Variants in ARHGAP25 observed in about 807,000 individuals in gnomAD.
The protein encoded by ARHGAP25 is Rho GTPase activating protein 25, also known as rho GTPase-activating protein 25.
A neutral mutation model predicts 71.0 loss-of-function variants in ARHGAP25; 34 were observed. The observed-to-expected ratio is 0.48, with a 90% CI of 0.36 to 0.64. The LOEUF is 0.64. ARHGAP25 is among the 30% of genes least tolerant of loss of function. ARHGAP25 has a pLI of 0.00. For synonymous variants in ARHGAP25, 282 were observed against 296.5 expected, an observed-to-expected ratio of 0.95 and a Z score of 0.50; for missense variants, 706 against 805.1, an observed-to-expected ratio of 0.88 and a Z score of 1.49.
intron 1 of ARHGAP25, among the ~76,000 whole-genome samples, chr2:68,770,118 G>C (rs10173408): frequency 0.3 from 45,519 of 152,008 alleles, 7,112 homozygotes; most frequent in Non-Finnish European, 0.32. Flanking sequence ...ACATCAGAGA[G>C]ACCAGCGGAG....
intron 2 of ARHGAP25, among the ~76,000 whole-genome samples, chr2:68,723,981 C>T: frequency 6.6e-6 from 1 of 152,074 alleles, no homozygotes; most frequent in East Asian, 1.9e-4. Flanking sequence ...TCAAGTGATT[C>T]TCCCACCTCG....
upstream of ARHGAP25, among the ~76,000 whole-genome samples, chr2:68,733,733 G>A (rs1489570890): frequency 3.9e-5 from 6 of 152,354 alleles, no homozygotes; most frequent in South Asian, 6.2e-4. Flanking sequence ...CAGGTCGTCA[G>A]TAAGAGTAAG....
intron 1 of ARHGAP25, among the ~76,000 whole-genome samples, chr2:68,746,660 T>G (rs1675830111): frequency 1.4e-5 from 2 of 147,396 alleles, no homozygotes; most frequent in African/African-American, 2.5e-5. Context: ...GAAATGGAGA[T>G]GGAGGGAGAA....
At chr2:68,771,950 G>C (rs1160127536) in intron 1 of ARHGAP25, among the ~76,000 whole-genome samples, 2 of 152,304 alleles carry the variant, frequency 1.3e-5, no homozygotes, top group East Asian at 3.9e-4. Context: ...GGGCATCAAA[G>C]GTCCCCTTGG....
chr2:68,822,310 A>G (rs1428632461), intron 9 of ARHGAP25, 30 bp from the exon 10 acceptor site: 12 of 1,576,150 alleles, frequency 7.6e-6, no homozygotes, highest in East Asian at 2.3e-5. Context: ...TGAAAACCCC[A>G]TGTGACATCC....
intron 7 of ARHGAP25, chr2:68,817,032 T>C (rs928288410): frequency 6.6e-6 from 1 of 152,252 alleles, no homozygotes; most frequent in Admixed American, 6.5e-5. Context: ...CTCTCTGTGA[T>C]AAATCTTTAC....
chr2:68,822,828 G>A lies in ARHGAP25; in HGVS notation c.1689G>A (p.Lys563=). 6.2e-7 allele frequency: 1 copy of A among 1,613,612 alleles called. No homozygotes were observed. The highest frequency in any genetic ancestry group is 8.5e-7 in the Non-Finnish European group (1 of 1,179,914). ...AGAGGATGGTCCAAGAGCTACGAAAGGAAATAGAAACACAGAAGCAAATGT... is the reference window on the plus strand; with the variant it reads ...AGAGGATGGTCCAAGAGCTACGAAAAGAAATAGAAACACAGAAGCAAATGT... The part of the protein sequence containing the change: ...SLQRMVQELR[K]EIETQKQMYE... The change falls in exon 10 of 11, where the codon AAG becomes AAA. Residue 563 remains lysine (K), a synonymous_variant. Coordinates refer to ENST00000409202, the MANE Select transcript of ARHGAP25 (RefSeq NM_001007231.3).
chr2:68,726,460 TA>T (rs1446686137), intron 2 of ARHGAP25, among the ~76,000 whole-genome samples: 1 of 152,198 alleles, frequency 6.6e-6, no homozygotes, highest in African/African-American at 2.4e-5. Context: ...GAGATTCTTT[TA>T]TAATCCCCTG....
intron 2 of ARHGAP25, among the ~76,000 whole-genome samples, chr2:68,710,953 T>G (rs1245992276): frequency 6.6e-6 from 1 of 152,172 alleles, no homozygotes; most frequent in African/African-American, 2.4e-5. Context: ...TATATGGTTC[T>G]CAGAGTCTTT....
At chr2:68,800,317 G>T (rs538825733) in intron 4 of ARHGAP25, among the ~76,000 whole-genome samples, 2 of 152,240 alleles carry the variant, frequency 1.3e-5, no homozygotes, top group East Asian at 3.9e-4. Flanking sequence ...GGAGGGAGGT[G>T]ACAGTTGCTC....
intron 4 of ARHGAP25, among the ~76,000 whole-genome samples, chr2:68,788,198 G>A (rs965834959): frequency 2.6e-5 from 4 of 152,228 alleles, no homozygotes; most frequent in African/African-American, 9.6e-5. Flanking sequence ...TAACTGGAGG[G>A]AAGGCAAGTC....
At chr2:68,741,826 C>G (rs938959764) in intron 1 of ARHGAP25, among the ~76,000 whole-genome samples, 2 of 152,320 alleles carry the variant, frequency 1.3e-5, no homozygotes, top group South Asian at 4.1e-4. Context: ...AATTCCATGA[C>G]CACTCATATT....
intron 4 of ARHGAP25, among the ~76,000 whole-genome samples, chr2:68,797,089 G>C (rs1679607164): frequency 6.6e-6 from 1 of 152,160 alleles, no homozygotes; most frequent in Admixed American, 6.5e-5. Flanking sequence ...TGGTAGTTGG[G>C]TTGTGGAACA....
chr2:68,742,879 C>G lies in ARHGAP25; in HGVS notation c.61+7619C>G, dbSNP rs536388605. ...TTCTGCTTCTTACTCTTTATGCTTC[C>G]AAATGCCATGTACTCACTTCCTTCT... On this transcript the variant is annotated intron_variant, in intron 1 of 10. Coordinates refer to ENST00000409202, the MANE Select transcript of ARHGAP25 (RefSeq NM_001007231.3). Among the ~76,000 whole-genome samples the G allele has an allele frequency of 2.0e-5, 3 of 152,328 alleles. No individual in the cohort carries two copies. The South Asian group carries it at 6.2e-4, about 32-fold the overall frequency.
At chr2:68,769,666 A>T (rs1295280118) in intron 1 of ARHGAP25, among the ~76,000 whole-genome samples, 2 of 152,192 alleles carry the variant, frequency 1.3e-5, no homozygotes, top group African/African-American at 2.4e-5. Context: ...AGGTGTCTCC[A>T]CTGACAAGGG....
intron 1 of ARHGAP25, among the ~76,000 whole-genome samples, chr2:68,754,060 G>A (rs1676340571): frequency 6.6e-6 from 1 of 151,988 alleles, no homozygotes; most frequent in South Asian, 2.1e-4. Context: ...CCGCCACCAT[G>A]CCCAGCTAAT....
At chr2:68,761,546 A>G (rs1676822762) in intron 1 of ARHGAP25, among the ~76,000 whole-genome samples, 1 of 152,056 alleles carries the variant, frequency 6.6e-6, no homozygotes, top group South Asian at 2.1e-4. Context: ...AAAAAACCCC[A>G]CAAACAACTC....
chr2:68,736,703 A>G (rs1675239581), intron 1 of ARHGAP25, among the ~76,000 whole-genome samples: 1 of 152,164 alleles, frequency 6.6e-6, no homozygotes, highest in Admixed American at 6.5e-5. Context: ...CATGATTTTT[A>G]CCAATGTTTC....
intron 9 of ARHGAP25, among the ~76,000 whole-genome samples, chr2:68,820,511 G>A (rs1405221794): frequency 1.3e-5 from 2 of 152,270 alleles, no homozygotes; most frequent in South Asian, 2.1e-4. Context: ...GGCTGCAAAG[G>A]TTAAAGGGAG....
Sources: gnomAD v4.1 joint callset for allele counts (sites outside exome capture counted in the v4.1 genomes callset) on GRCh38, gnomAD v4.1.1 for gene constraint, MANE v1.5 for transcripts, NCBI Gene and HGNC (gene_info 2026-07-23, HGNC 2026-07-21) for gene names.